The following EDIL3 variants were observed in gnomAD, a reference collection of about 807,000 sequenced individuals.
EDIL3 encodes EGF-like repeat and discoidin I-like domain-containing protein 3.
EDIL3 carries 37 observed loss-of-function variants against 67.4 expected under a neutral mutation model. The ratio of observed to expected loss-of-function variants is 0.55; its 90% CI spans 0.42 to 0.72. The LOEUF (loss-of-function observed/expected upper bound fraction) is 0.72. Ranked by LOEUF, EDIL3 falls within the 30% of genes least tolerant of loss-of-function variation. The pLI, the probability that EDIL3 is intolerant of heterozygous loss-of-function variation, is 0.00. For synonymous variants in EDIL3, 195 were observed against 196.3 expected (o/e 0.99, Z 0.05); for missense variants, 527 against 586.3 (o/e 0.90, Z 1.04).
intron 1 of EDIL3, among the ~76,000 whole-genome samples, chr5:84,323,032 A>G (rs6452567): frequency 1 from 152,110 of 152,138 alleles, 76,041 homozygotes; most frequent in Middle Eastern, 1. Context: ...GGACCTCATC[A>G]GGACTAGACC....
chr5:84,253,501 T>C (rs1745072356), intron 2 of EDIL3, among the ~76,000 whole-genome samples: 1 of 152,170 alleles, frequency 6.6e-6, no homozygotes, highest in Non-Finnish European at 1.5e-5. Context: ...TCCATAAGTA[T>C]ACATATTTCG....
At chr5:84,248,711 C>A (rs1232441946) in intron 2 of EDIL3, among the ~76,000 whole-genome samples, 2 of 152,142 alleles carry the variant, frequency 1.3e-5, no homozygotes, top group Admixed American at 6.5e-5. Flanking sequence ...GTAAATGATA[C>A]CCAGTTGCTC....
At position 84,359,334 on chromosome 5, in the gene EDIL3, CTAGA is replaced by C. The variant is rs1308309038; in HGVS notation, c.67+24970_67+24973del. On this transcript the variant is annotated intron_variant, in intron 1 of 10. Coordinates refer to ENST00000296591, the MANE Select transcript of EDIL3 (RefSeq NM_005711.5). ...AACATTTGGTCAGATAAGTATTTAA[CTAGA>C]TAAATGATTTATTACAACATATTAC... Among the ~76,000 whole-genome samples the C allele has an allele frequency of 3.3e-5, 5 of 152,190 alleles. No homozygotes were observed. The East Asian group carries it at 9.7e-4, about 29-fold the overall frequency.
intron 9 of EDIL3, among the ~76,000 whole-genome samples, chr5:83,999,739 T>A (rs1561398400): frequency 6.6e-6 from 1 of 152,174 alleles, no homozygotes; most frequent in Middle Eastern, 3.4e-3. Context: ...AAAGGGATAA[T>A]AGCAGAGAAC....
chr5:84,045,629 G>T (rs1188219829), intron 9 of EDIL3, among the ~76,000 whole-genome samples: 1 of 152,026 alleles, frequency 6.6e-6, no homozygotes, highest in African/African-American at 2.4e-5. Context: ...TCTCAGAAAA[G>T]AATTTTACCA....
chr5:83,950,784 T>C (rs992360371), intron 10 of EDIL3, among the ~76,000 whole-genome samples: 1 of 151,778 alleles, frequency 6.6e-6, no homozygotes, highest in Non-Finnish European at 1.5e-5. Context: ...TATTCTCCTG[T>C]ATTTCTTTAA....
chr5:84,020,076 C>CACAAA (rs1745684860), intron 9 of EDIL3, among the ~76,000 whole-genome samples: 1 of 128,326 alleles, frequency 7.8e-6, no homozygotes, highest in African/African-American at 2.9e-5. Flanking sequence ...ATCTTTTGTA[C>CACAAA]AAAAAAAAAA....
chr5:84,061,472 T>C (rs374815350), intron 8 of EDIL3, among the ~76,000 whole-genome samples: 1 of 152,116 alleles, frequency 6.6e-6, no homozygotes, highest in East Asian at 1.9e-4. Flanking sequence ...TGTGAAACTG[T>C]TAAATTTTGG....
chr5:83,942,343 T>C lies in EDIL3; in HGVS notation c.*1076A>G, dbSNP rs1364363259. The C allele has an allele frequency of 6.6e-6, 1 of 152,042 alleles. No individual in the cohort carries two copies. Among genetic ancestry groups the C allele is most frequent in the Non-Finnish European group, 1.5e-5 (1 of 67,948 alleles). The allele number at this position is 152,042 out of a possible 1,614,324, so 9.4% of individuals were successfully genotyped here. On this transcript the variant is annotated 3_prime_UTR_variant, in exon 11 of 11. Coordinates refer to ENST00000296591, the MANE Select transcript of EDIL3 (RefSeq NM_005711.5). ...TGCCTTCCTGGGAAACTACCACCAG[T>C]TTCAAATCTCAATAAGATGTTAGTT...
At chr5:84,073,321 A>T (rs1222999761) in intron 6 of EDIL3, among the ~76,000 whole-genome samples, 3 of 152,168 alleles carry the variant, frequency 2.0e-5, no homozygotes, top group Non-Finnish European at 4.4e-5. Context: ...ACTCCTATTC[A>T]ACATAGTGTT....
intron 1 of EDIL3, among the ~76,000 whole-genome samples, chr5:84,349,469 T>C (rs1449703246): frequency 1.3e-5 from 2 of 152,234 alleles, no homozygotes; most frequent in African/African-American, 2.4e-5. Context: ...CGATTCATTA[T>C]TGAAGAAAAT....
intron 1 of EDIL3, among the ~76,000 whole-genome samples, chr5:84,309,460 T>G (rs1383531293): frequency 6.6e-6 from 1 of 152,036 alleles, no homozygotes; most frequent in Non-Finnish European, 1.5e-5. Context: ...TCATCTAGCA[T>G]TAGGTATATC....
At position 84,309,299 on chromosome 5, in the gene EDIL3, CT is replaced by C. The variant is rs939564007; in HGVS notation, c.68-55088del. ...GTAGTGATAAATGTTTTTCCTCTTT[CT>C]TTTTTTTTCTTTGTTTTTTTTTTTT... On this transcript the variant is annotated intron_variant, in intron 1 of 10. Coordinates refer to ENST00000296591, the MANE Select transcript of EDIL3 (RefSeq NM_005711.5). Among the ~76,000 whole-genome samples the C allele has an allele frequency of 6.2e-5, 7 of 113,298 alleles. No homozygotes were observed. The South Asian group carries it at 1.1e-3, about 18-fold the overall frequency. The allele number at this position is 113,298 out of a possible 152,430, so 74.3% of individuals were successfully genotyped here. A position where few individuals can be genotyped will look rare whatever the true frequency, so the allele number is the denominator to read the frequency against.
chr5:84,290,978 A>G (rs114238254), intron 1 of EDIL3, among the ~76,000 whole-genome samples: 73 of 152,296 alleles, frequency 4.8e-4, no homozygotes, highest in African/African-American at 1.7e-3. Flanking sequence ...TCACTGCAAC[A>G]TTTAAACTAA....
At chr5:84,231,821 A>C (rs1468982653) in intron 2 of EDIL3, among the ~76,000 whole-genome samples, 1 of 152,248 alleles carries the variant, frequency 6.6e-6, no homozygotes, top group African/African-American at 2.4e-5. Flanking sequence ...GGAAAATACC[A>C]CAGGGGCTTG....
chr5:84,085,371 G>T (rs1013767447), intron 6 of EDIL3, among the ~76,000 whole-genome samples: 1 of 152,138 alleles, frequency 6.6e-6, no homozygotes, highest in Non-Finnish European at 1.5e-5. Context: ...TTGTGTGGGG[G>T]TCTTTTTTGT....
chr5:84,324,641 T>A, intron 1 of EDIL3, among the ~76,000 whole-genome samples: 1 of 150,228 alleles, frequency 6.7e-6, no homozygotes, highest in African/African-American at 2.4e-5. Context: ...ATGAAAAAAA[T>A]CAAGAAGTTT....
intron 6 of EDIL3, among the ~76,000 whole-genome samples, chr5:84,067,554 G>T (rs1369536454): frequency 6.6e-6 from 1 of 152,096 alleles, no homozygotes; most frequent in African/African-American, 2.4e-5. Flanking sequence ...ATTTAAATAT[G>T]TCATACCATA....
intron 3 of EDIL3, among the ~76,000 whole-genome samples, chr5:84,225,488 C>T (rs190149730): frequency 5.9e-5 from 9 of 151,566 alleles, no homozygotes; most frequent in South Asian, 2.1e-4. Flanking sequence ...TCTGTTTTAA[C>T]GAGGCAGTTT....
Sources: gnomAD v4.1 joint callset for allele counts (sites outside exome capture counted in the v4.1 genomes callset) on GRCh38, gnomAD v4.1.1 for gene constraint, MANE v1.5 for transcripts, NCBI Gene and HGNC (gene_info 2026-07-23, HGNC 2026-07-21) for gene names.